AKAP6: variants seen among roughly 807,000 people sequenced by gnomAD.
AKAP6 encodes A-kinase anchor protein 6.
In AKAP6, 58 loss-of-function variants were observed where a neutral mutation model predicts 188.5. The ratio of observed to expected loss-of-function variants is 0.31; its 90% confidence interval spans 0.25 to 0.38. The LOEUF (loss-of-function observed/expected upper bound fraction) is 0.38. Ranked by LOEUF, AKAP6 falls within the 10% of genes least tolerant of loss-of-function variation. AKAP6 has a pLI of 1.00. For missense variants in AKAP6, 2,710 were observed against 2,740.0 expected, an observed-to-expected ratio of 0.99 and a Z score of 0.24; for synonymous variants, 989 against 998.6, an observed-to-expected ratio of 0.99 and a Z score of 0.18.
chr14:32,408,844 T>TG (rs1889380508), intron 1 of AKAP6, among the ~76,000 whole-genome samples: 1 of 152,080 alleles, frequency 6.6e-6, no homozygotes, highest in South Asian at 2.1e-4. Context: ...GCAAGGAAAA[T>TG]GCTGGTGAAA....
intron 7 of AKAP6, among the ~76,000 whole-genome samples, chr14:32,627,538 T>C (rs1887074255): frequency 6.6e-6 from 1 of 152,040 alleles, no homozygotes; most frequent in Non-Finnish European, 1.5e-5. Context: ...AAAAAATATA[T>C]ATTATGGAAT....
intron 2 of AKAP6, among the ~76,000 whole-genome samples, chr14:32,520,216 T>C (rs1187009501): frequency 6.6e-6 from 1 of 152,208 alleles, no homozygotes; most frequent in Non-Finnish European, 1.5e-5. Flanking sequence ...GGGAAATTTA[T>C]AGCACTAAAT....
At chr14:32,766,798 C>T (rs1156514654) in intron 11 of AKAP6, among the ~76,000 whole-genome samples, 1 of 152,056 alleles carries the variant, frequency 6.6e-6, no homozygotes, top group Non-Finnish European at 1.5e-5. Context: ...GTTGCTTATA[C>T]TTTTGTGTCA....
intron 11 of AKAP6, among the ~76,000 whole-genome samples, chr14:32,748,999 A>G (rs2032022125): frequency 6.6e-6 from 1 of 152,212 alleles, no homozygotes; most frequent in Admixed American, 6.5e-5. Context: ...TAAGGAGAGA[A>G]ACAAAATTTA....
intron 7 of AKAP6, among the ~76,000 whole-genome samples, chr14:32,652,460 G>T (rs967503915): frequency 6.6e-6 from 1 of 152,124 alleles, no homozygotes; most frequent in Non-Finnish European, 1.5e-5. Context: ...TAGAAATCCA[G>T]AATATCAGGG....
chr14:32,477,148 T>G (rs766904592), intron 2 of AKAP6, among the ~76,000 whole-genome samples: 1 of 152,212 alleles, frequency 6.6e-6, no homozygotes, highest in Non-Finnish European at 1.5e-5. Context: ...CCCTTTTATC[T>G]GAGGTCTACA....
chr14:32,354,230 A>C (rs1316304600), intron 1 of AKAP6, among the ~76,000 whole-genome samples: 1 of 152,058 alleles, frequency 6.6e-6, no homozygotes, highest in Non-Finnish European at 1.5e-5. Context: ...TACAGTAACC[A>C]AAACAGCATG....
chr14:32,341,972 A>T (rs1189576667), intron 1 of AKAP6, among the ~76,000 whole-genome samples: 2 of 152,184 alleles, frequency 1.3e-5, no homozygotes, highest in Admixed American at 6.5e-5. Context: ...TGATCATGTC[A>T]CTGCACTCTA....
intron 7 of AKAP6, among the ~76,000 whole-genome samples, chr14:32,666,250 A>G (rs1424268423): frequency 6.6e-6 from 1 of 152,012 alleles, no homozygotes; most frequent in African/African-American, 2.4e-5. Context: ...TCATCTTTAT[A>G]TGTTTGTCAT....
intron 2 of AKAP6, among the ~76,000 whole-genome samples, chr14:32,522,086 G>A (rs570587672): frequency 6.6e-6 from 1 of 152,226 alleles, no homozygotes; most frequent in South Asian, 2.1e-4. Context: ...CAAGAAATGG[G>A]GAAAGGATTC....
chr14:32,829,702 A>C (rs1372559330), intron 13 of AKAP6, 146 bp from the exon 14 acceptor site: 3 of 443,638 alleles, frequency 6.8e-6, no homozygotes, highest in African/African-American at 2.0e-5. Flanking sequence ...TATTAAAATT[A>C]TTTATATTTT....
chr14:32,725,279 G>A (rs58882375), intron 9 of AKAP6, among the ~76,000 whole-genome samples: 4 of 152,004 alleles, frequency 2.6e-5, no homozygotes, highest in East Asian at 3.9e-4. Context: ...TATTTTTCCC[G>A]AGGTCATGTC....
chr14:32,348,454 G>A (rs1594526219), intron 1 of AKAP6, among the ~76,000 whole-genome samples: 2 of 101,102 alleles, frequency 2.0e-5, no homozygotes, highest in South Asian at 6.7e-4. Flanking sequence ...TGCTCTTGTT[G>A]CCCAGGCTAA....
intron 11 of AKAP6, among the ~76,000 whole-genome samples, chr14:32,745,950 A>G (rs1165543211): frequency 1.3e-5 from 2 of 152,318 alleles, no homozygotes; most frequent in Middle Eastern, 3.4e-3. Context: ...TATGGCCACC[A>G]GCACAGACCA....
chr14:32,748,997 G>A (rs754245915), intron 11 of AKAP6, among the ~76,000 whole-genome samples: 2 of 152,142 alleles, frequency 1.3e-5, no homozygotes, highest in Non-Finnish European at 2.9e-5. Flanking sequence ...TTTAAGGAGA[G>A]AAACAAAATT....
chr14:32,506,981 T>A (rs1880912636), intron 2 of AKAP6, among the ~76,000 whole-genome samples: 1 of 150,768 alleles, frequency 6.6e-6, no homozygotes, highest in South Asian at 2.1e-4. Context: ...TTAAAAATCA[T>A]TTTTTTTCCT....
intron 1 of AKAP6, among the ~76,000 whole-genome samples, chr14:32,416,658 G>T (rs1473456267): frequency 6.6e-6 from 1 of 152,016 alleles, no homozygotes; most frequent in Non-Finnish European, 1.5e-5. Flanking sequence ...GGGTTCAAGT[G>T]ATTCTCCTGC....
intron 2 of AKAP6, among the ~76,000 whole-genome samples, chr14:32,445,886 C>A (rs1268755242): frequency 1.3e-5 from 2 of 152,074 alleles, no homozygotes; most frequent in Non-Finnish European, 2.9e-5. Context: ...AACTAACAGA[C>A]TTTAAATAAT....
chr14:32,567,727 T>A (rs890446977), intron 4 of AKAP6, among the ~76,000 whole-genome samples: 4 of 152,162 alleles, frequency 2.6e-5, no homozygotes, highest in African/African-American at 9.7e-5. Context: ...GTGCAAGAGT[T>A]CTTACTAATC....
Sources: gnomAD v4.1 joint callset for allele counts (sites outside exome capture counted in the v4.1 genomes callset) on GRCh38, gnomAD v4.1.1 for gene constraint, MANE v1.5 for transcripts, NCBI Gene and HGNC (gene_info 2026-07-23, HGNC 2026-07-21) for gene names.